The following RSPO2 variants were observed in gnomAD, a reference collection of about 807,000 sequenced individuals.
The protein encoded by RSPO2 is R-spondin 2.
RSPO2 carries 14 observed loss-of-function variants against 30.9 expected under a neutral mutation model. The ratio of observed to expected loss-of-function variants is 0.45; its 90% CI spans 0.30 to 0.71. The LOEUF is 0.71. Ranked by LOEUF, RSPO2 falls within the 30% of genes least tolerant of loss-of-function variation. The probability of loss-of-function intolerance (pLI) is 0.08; values close to 1 mark genes in which losing one functional copy is unlikely to be tolerated. For synonymous variants in RSPO2, 107 were observed against 96.4 expected (o/e 1.11, Z -0.64); for missense variants, 264 against 301.9 (o/e 0.87, Z 0.93).
chr8:107,976,104 T>A (rs1814199479), intron 3 of RSPO2, among the ~76,000 whole-genome samples: 1 of 152,180 alleles, frequency 6.6e-6, no homozygotes, highest in Non-Finnish European at 1.5e-5. Flanking sequence ...CCCTTTTCAA[T>A]TTGGAAAAGA....
chr8:107,941,305 T>G lies in RSPO2; in HGVS notation c.616+16775A>C, dbSNP rs1399050924. ...GAAATTATCTCTATGGTGGCCTTCC[T>G]CTAAATCAAACTGCAAGAAGGTCTA... On this transcript the variant is annotated intron_variant, in intron 5 of 5. Transcript: ENST00000276659. Among the ~76,000 whole-genome samples the G allele has an allele frequency of 2.0e-5, 3 of 152,148 alleles. No homozygotes were observed. The East Asian group carries it at 5.8e-4, about 29-fold the overall frequency.
At chr8:107,983,891 C>T in intron 3 of RSPO2, 1 of 1,421,904 alleles carries the variant, frequency 7.0e-7, no homozygotes, top group Non-Finnish European at 9.9e-7. Flanking sequence ...TTCCTGTCTT[C>T]CGCCCTTGGA....
intron 2 of RSPO2, among the ~76,000 whole-genome samples, chr8:108,037,180 T>A (rs897467967): frequency 6.6e-6 from 1 of 152,144 alleles, no homozygotes; most frequent in Non-Finnish European, 1.5e-5. Context: ...GCTAGGCCCC[T>A]CAAGTTGTGA....
Position 108,082,611 on chromosome 8 carries a change from G to A in RSPO2, c.28C>T (p.Leu10Phe). MQFRLFSFALIILNCMDYSH... is the reference protein window; with the variant it reads MQFRLFSFAFIILNCMDYSH... ...TAATCCATGCAGTTCAGAATGATGA[G>A]GGCAAAGGAGAAAAGGCGAAACTGC... The change falls in exon 2 of 6, where the codon CTC (leucine) becomes TTC (phenylalanine). Residue 10 changes from leucine (L) to phenylalanine (F), a missense_variant. Physicochemically the swap from Leu to Phe is conservative, Grantham distance 22. Coordinates refer to ENST00000276659, the MANE Select transcript of RSPO2 (RefSeq NM_178565.5). The A allele has an allele frequency of 1.2e-6, 2 of 1,614,108 alleles. No individual in the cohort carries two copies. The highest frequency in any genetic ancestry group is 2.2e-5 in the South Asian group (2 of 91,078).
At chr8:107,915,515 AT>A (rs1189048410) in intron 5 of RSPO2, among the ~76,000 whole-genome samples, 1 of 152,156 alleles carries the variant, frequency 6.6e-6, no homozygotes, top group African/African-American at 2.4e-5. Context: ...CAGATGGAGA[AT>A]AGAAGGATAG....
At chr8:108,045,178 T>C (rs560611312) in intron 2 of RSPO2, among the ~76,000 whole-genome samples, 14 of 151,944 alleles carry the variant, frequency 9.2e-5, no homozygotes, top group African/African-American at 3.4e-4. Context: ...AAACAACATA[T>C]CTGACAAAGG....
chr8:108,013,359 G>T (rs988110999), intron 2 of RSPO2, among the ~76,000 whole-genome samples: 1 of 152,094 alleles, frequency 6.6e-6, no homozygotes, highest in East Asian at 1.9e-4. Context: ...AAGCTCAAAG[G>T]CTTGCCCTAA....
At chr8:107,971,669 AC>A (rs2130472342) in intron 3 of RSPO2, among the ~76,000 whole-genome samples, 1 of 152,314 alleles carries the variant, frequency 6.6e-6, no homozygotes, top group East Asian at 1.9e-4. Context: ...GATCACAATG[AC>A]AAAATTAAGA....
intron 2 of RSPO2, among the ~76,000 whole-genome samples, chr8:108,061,660 G>C (rs1404089877): frequency 6.6e-6 from 1 of 151,824 alleles, no homozygotes; most frequent in Non-Finnish European, 1.5e-5. Context: ...TCCAGGAATT[G>C]AACTCAGCTC....
At chr8:107,937,733 A>G (rs932658071) in intron 5 of RSPO2, among the ~76,000 whole-genome samples, 2 of 152,152 alleles carry the variant, frequency 1.3e-5, no homozygotes, top group Admixed American at 1.3e-4. Context: ...TGATCGCAAA[A>G]GAATCACCAT....
chr8:107,997,936 G>T (rs1295284575), intron 2 of RSPO2, among the ~76,000 whole-genome samples: 1 of 152,114 alleles, frequency 6.6e-6, no homozygotes, highest in East Asian at 1.9e-4. Context: ...GTTAGCCCTT[G>T]CCAAGCAAGA....
intron 2 of RSPO2, among the ~76,000 whole-genome samples, chr8:108,012,218 A>C (rs1206471640): frequency 6.6e-6 from 1 of 152,222 alleles, no homozygotes; most frequent in Non-Finnish European, 1.5e-5. Flanking sequence ...CTAAGTTGGC[A>C]AGCAATGCTT....
intron 2 of RSPO2, among the ~76,000 whole-genome samples, chr8:108,082,174 G>A (rs1361953802): frequency 1.3e-5 from 2 of 151,822 alleles, no homozygotes; most frequent in Non-Finnish European, 2.9e-5. Context: ...GGAGGACAGA[G>A]AGAAGAACAA....
chr8:107,985,442 A>G (rs1174909950), intron 3 of RSPO2, among the ~76,000 whole-genome samples: 1 of 152,198 alleles, frequency 6.6e-6, no homozygotes, highest in Non-Finnish European at 1.5e-5. Context: ...ACCATTCAGT[A>G]GAATATTTGC....
intron 2 of RSPO2, among the ~76,000 whole-genome samples, chr8:108,066,459 T>G (rs1812670079): frequency 6.6e-6 from 1 of 152,154 alleles, no homozygotes; most frequent in South Asian, 2.1e-4. Context: ...TCTTTTTTTT[T>G]TAATGTCATT....
chr8:108,061,535 C>G (rs1271536097), intron 2 of RSPO2, among the ~76,000 whole-genome samples: 3 of 151,794 alleles, frequency 2.0e-5, no homozygotes, highest in Admixed American at 6.5e-5. Context: ...ATTCATAAAG[C>G]AAATCCTTAG....
chr8:107,983,692 A>T lies in RSPO2; in HGVS notation c.283+5364T>A, dbSNP rs1814528874. 1.0e-5 allele frequency: 16 copies of T among 1,593,830 alleles called. No individual in the cohort carries two copies. The Middle Eastern group carries it at 6.8e-4, about 67-fold the overall frequency. The stretch of plus-strand genomic sequence containing the variant: ...CCTTGTGGCAGAGAATTAAAGATTA[A>T]GGGAAGAAAATAACAACTAAAGGCT... On this transcript the variant is annotated intron_variant, in intron 3 of 5. Coordinates refer to ENST00000276659, the MANE Select transcript of RSPO2 (RefSeq NM_178565.5).
chr8:107,947,578 A>G (rs1042620226), intron 5 of RSPO2, among the ~76,000 whole-genome samples: 5 of 152,218 alleles, frequency 3.3e-5, no homozygotes, highest in African/African-American at 1.2e-4. Flanking sequence ...AAACACGTAA[A>G]CATCAGAACC....
chr8:107,964,254 CATTT>C (rs1446623948), intron 3 of RSPO2, among the ~76,000 whole-genome samples: 1 of 152,288 alleles, frequency 6.6e-6, no homozygotes, highest in Admixed American at 6.5e-5. Context: ...TTCATTCATT[CATTT>C]AGAGACAGAA....
Sources: allele counts gnomAD v4.1 joint callset (sites outside exome capture counted in the v4.1 genomes callset), GRCh38; gene constraint gnomAD v4.1.1; transcripts MANE v1.5; gene names NCBI Gene and HGNC (gene_info 2026-07-23, HGNC 2026-07-21).